The following USP7 variants were observed in gnomAD, a reference collection of about 807,000 sequenced individuals.
USP7 encodes ubiquitin specific peptidase 7, also known as ubiquitin C-terminal hydrolase 7.
USP7 carries 9 observed loss-of-function variants against 162.9 expected under a neutral mutation model. That is an observed-to-expected ratio of 0.06 (90% CI 0.03 to 0.10). USP7 has a LOEUF of 0.10. Among genes scored for constraint, USP7 ranks in the 10% least tolerant of loss-of-function variants. The probability of loss-of-function intolerance (pLI) is 1.00; values close to 1 mark genes in which losing one functional copy is unlikely to be tolerated. For synonymous variants in USP7, 562 were observed against 475.9 expected (o/e 1.18, Z -2.35); for missense variants, 715 against 1,373.7 (o/e 0.52, Z 7.58).
At chr16:8,901,291 AAAACAAAAAAACAAAC>A in intron 18 of USP7, 57 bp from the exon 19 acceptor site, 4 of 1,182,286 alleles carry the variant, frequency 3.4e-6, no homozygotes, top group East Asian at 2.4e-5. Context: ...CAATGCTTAA[AAAACAAAAAAACAAAC>A]AAACAAAAAA....
chr16:8,914,865 G>A (rs1372618504), intron 10 of USP7, among the ~76,000 whole-genome samples: 1 of 152,212 alleles, frequency 6.6e-6, no homozygotes, highest in Admixed American at 6.5e-5. Flanking sequence ...GCTGCACTGA[G>A]CTATGGTTGC....
chr16:8,923,448 G>A (rs1294903684), intron 2 of USP7, 35 bp from the exon 3 acceptor site: 2 of 1,608,136 alleles, frequency 1.2e-6, no homozygotes, highest in South Asian at 1.1e-5. Flanking sequence ...CACAGAGCCT[G>A]TGCATTGACC....
At position 8,899,170 on chromosome 16, in the gene USP7, G is replaced by C; in HGVS notation, c.2482C>G (p.Gln828Glu). The change falls in exon 23 of 31, where the codon CAG becomes GAG. Residue 828 changes from glutamine to glutamate, a missense_variant. Physicochemically the swap from Gln to Glu is conservative, Grantham distance 29 (BLOSUM62 2). This residue lies in a region of USP7 where 222 missense variants were observed against 441.7 expected (regional missense o/e 0.50). Transcript: ENST00000344836. ...AACATTGGATCTGTGTTGAGCCTCT[G>C]TGCAACTGTCTTTGCAACCTAAGAC... ...NYFQVAKTVA[Q>E]RLNTDPMLLQ... 6.2e-7 allele frequency: 1 copy of C among 1,614,118 alleles called. No homozygotes were observed. The highest frequency in any genetic ancestry group is 8.5e-7 in the Non-Finnish European group (1 of 1,180,040).
chr16:8,900,054 G>C, intron 21 of USP7: 1 of 464,090 alleles, frequency 2.2e-6, no homozygotes, highest in South Asian at 2.4e-5. Flanking sequence ...AGACCCAGAC[G>C]CAGTGTCTTG....
chr16:8,917,673 C>T (rs2141205122), intron 6 of USP7, among the ~76,000 whole-genome samples: 1 of 152,232 alleles, frequency 6.6e-6, no homozygotes, highest in African/African-American at 2.4e-5. Context: ...GCTACCGCAC[C>T]CAGCCTCACC....
intron 2 of USP7, among the ~76,000 whole-genome samples, chr16:8,923,677 AACAATGTCT>A (rs1359781189): frequency 6.6e-6 from 1 of 152,218 alleles, no homozygotes; most frequent in East Asian, 1.9e-4. Flanking sequence ...TCCACATGAG[AACAATGTCT>A]ACTTTACTAA....
chr16:8,924,402 T>C (rs1447524263), intron 2 of USP7, among the ~76,000 whole-genome samples: 9 of 152,258 alleles, frequency 5.9e-5, no homozygotes, highest in Admixed American at 5.2e-4. Flanking sequence ...CTCATTATAG[T>C]CTGCACACAG....
intron 1 of USP7, among the ~76,000 whole-genome samples, chr16:8,944,791 C>A (rs1381102958): frequency 6.6e-6 from 1 of 152,212 alleles, no homozygotes; most frequent in South Asian, 2.1e-4. Context: ...TTTTGAAAAA[C>A]TAGCGTCAAA....
intron 1 of USP7, among the ~76,000 whole-genome samples, chr16:8,940,562 T>A (rs1009873586): frequency 1.3e-5 from 2 of 152,050 alleles, no homozygotes; most frequent in African/African-American, 4.8e-5. Context: ...GGCCCCTGCA[T>A]CAGAAAGGGA....
chr16:8,956,189 T>C (rs532729216), intron 1 of USP7: 6 of 152,322 alleles, frequency 3.9e-5, no homozygotes, highest in African/African-American at 1.2e-4. Flanking sequence ...GGGGCCTGGA[T>C]TTTTTAATCT....
Position 8,917,079 on chromosome 16 carries a change from T to C in USP7, c.798A>G (p.Glu266=). 1 of 1,613,480 alleles carries C rather than the reference T, an allele frequency of 6.2e-7. No individual in the cohort carries two copies. The highest frequency in any genetic ancestry group is 1.1e-5 in the South Asian group (1 of 90,874). The change falls in exon 7 of 31, where the codon GAA becomes GAG. Residue 266 remains glutamate (E), a synonymous_variant. Transcript: ENST00000344836. ...VPLALQRVFY[E]LQHSDKPVGT... ...CTACAGGTTTATCACTATGCTGTAA[T>C]TCATAGAACACTCTTTGTAATGCTA...
At chr16:8,895,282 T>C in intron 27 of USP7, 132 bp from the exon 28 acceptor site, 1 of 1,411,808 alleles carries the variant, frequency 7.1e-7, no homozygotes, top group South Asian at 1.3e-5. Flanking sequence ...CACACCTGGA[T>C]CCAGCCAGAG....
At chr16:8,955,823 C>A (rs961003329) in intron 1 of USP7, among the ~76,000 whole-genome samples, 2 of 151,508 alleles carry the variant, frequency 1.3e-5, no homozygotes, top group African/African-American at 2.4e-5. Context: ...TGGCTTACAG[C>A]TTTTTTAAGG....
Position 8,930,381 on chromosome 16 carries a change from G to C in USP7, c.96C>G (p.Asp32Glu). 6.2e-7 allele frequency: 1 copy of C among 1,609,832 alleles called. No homozygotes were observed. Among genetic ancestry groups the C allele is most frequent in the East Asian group, 2.2e-5 (1 of 44,648 alleles). The change falls in exon 2 of 31, where the codon GAC (aspartate) becomes GAG (glutamate). Residue 32 changes from aspartate (D) to glutamate (E), a missense_variant. By Grantham distance (45) the Asp-to-Glu change is conservative. Around this residue, in one of 11 missense-constraint regions of USP7, gnomAD observed 137 missense variants for 123.5 expected, o/e 1.11. Coordinates refer to ENST00000344836, the MANE Select transcript of USP7 (RefSeq NM_003470.3). Reference sequence around the variant, plus strand: ...CAGGGTTCTGAGTAATTCTTGGTGGGTCATCTGTATCTCCCGCTTTAAAGA... The same window carrying C: ...CAGGGTTCTGAGTAATTCTTGGTGGCTCATCTGTATCTCCCGCTTTAAAGA... ...DMEMEAGDTD[D>E]PPRITQNPVI...
intron 10 of USP7, 105 bp downstream of exon 10, chr16:8,915,149 C>G: frequency 9.3e-7 from 1 of 1,076,922 alleles, no homozygotes; most frequent in Non-Finnish European, 1.3e-6. Flanking sequence ...CTGAGCCATT[C>G]TCTGTGTTTA....
Position 8,915,175 on chromosome 16 carries a change from C to T in USP7, c.1078+79G>A, listed in dbSNP as rs139928102. 147 of 1,323,534 alleles carry T rather than the reference C, an allele frequency of 1.1e-4. 1 individual carries two copies. In the African/African-American group the frequency reaches 1.7e-3, roughly 15 times the overall value. 82.0% of individuals were successfully genotyped at this position (1,323,534 alleles called of 1,614,324 possible). On this transcript the variant is annotated intron_variant, in intron 10 of 30. Transcript: ENST00000344836. The stretch of plus-strand genomic sequence containing the variant: ...TCTGTGTTTAGACTATTTAAAAAAA[C>T]ATCACTTGTGTAAATGAAACATTAA...
At position 8,930,306 on chromosome 16, in the gene USP7, C is replaced by T. The variant is rs1032402141; in HGVS notation, c.171G>A (p.Glu57=). The T allele has an allele frequency of 6.2e-7, 1 of 1,612,352 alleles. No individual in the cohort carries two copies. The highest frequency in any genetic ancestry group is 1.3e-5 in the African/African-American group (1 of 74,928). ...ALSDGHNTAE[E]DMEDDTSWRS... is the part of the protein sequence containing the mutation. ...ACAGGCACTTACCATCCTCCATGTC[C>T]TCCTCCGCGGTGTTGTGTCCATCAC... The change falls in exon 2 of 31, where the codon GAG becomes GAA. Residue 57 remains glutamate (E), a synonymous_variant. Coordinates refer to ENST00000344836, the MANE Select transcript of USP7 (RefSeq NM_003470.3).
intron 1 of USP7, among the ~76,000 whole-genome samples, chr16:8,946,478 T>C (rs1312582226): frequency 1.3e-5 from 2 of 152,216 alleles, no homozygotes; most frequent in Non-Finnish European, 2.9e-5. Flanking sequence ...AGAAAGAAGC[T>C]GTTAAGTGAA....
Position 8,920,438 on chromosome 16 carries a change from C to T in USP7, c.532G>A (p.Asp178Asn), listed in dbSNP as rs1156582850. 2.5e-6 allele frequency: 4 copies of T among 1,611,936 alleles called. No homozygotes were observed. Among genetic ancestry groups the T allele is most frequent in the South Asian group, 2.2e-5 (2 of 90,530 alleles). Residue 178 changes from aspartate to asparagine, a missense_variant, in exon 5 of 31, where the codon GAT (aspartate) becomes AAT (asparagine). Around this residue, in one of 11 missense-constraint regions of USP7, gnomAD observed 30 missense variants for 27.6 expected, o/e 1.09. Coordinates refer to ENST00000344836, the MANE Select transcript of USP7 (RefSeq NM_003470.3). ...SNFMAWSEVT[D>N]PEKGFIDDDK... Reference sequence around the variant, plus strand: ...TCATCTATAAATCCTTTCTCAGGATCGGTCACTTCCTATAAAACATAAATA... The same window carrying T: ...TCATCTATAAATCCTTTCTCAGGATTGGTCACTTCCTATAAAACATAAATA...
Sources: allele counts gnomAD v4.1 joint callset (sites outside exome capture counted in the v4.1 genomes callset), GRCh38; gene constraint gnomAD v4.1.1; regional missense constraint gnomAD v4.1.1; transcripts MANE v1.5; gene names NCBI Gene and HGNC (gene_info 2026-07-23, HGNC 2026-07-21).